USP6NL: variants seen among roughly 807,000 people sequenced by gnomAD.
USP6NL encodes USP6 N-terminal like, also known as USP6 N-terminal-like protein.
USP6NL carries 26 observed loss-of-function variants against 61.9 expected under a neutral mutation model. That is an observed-to-expected ratio of 0.42 (90% CI 0.31 to 0.58). The LOEUF (loss-of-function observed/expected upper bound fraction) is 0.58. Among genes scored for constraint, USP6NL ranks in the 20% least tolerant of loss-of-function variants. USP6NL has a pLI of 0.16. For synonymous variants in USP6NL, 432 were observed against 390.1 expected (o/e 1.11, Z -1.27); for missense variants, 1,114 against 1,034.3 (o/e 1.08, Z -1.06).
At chr10:11,493,442 C>T (rs181198556) in intron 7 of USP6NL, among the ~76,000 whole-genome samples, 3 of 152,312 alleles carry the variant, frequency 2.0e-5, no homozygotes, top group Admixed American at 2.0e-4. Flanking sequence ...TCTCCCTCTT[C>T]CCCTACCTTC....
At chr10:11,539,941 G>T (rs1056309224) in intron 2 of USP6NL, among the ~76,000 whole-genome samples, 1 of 152,142 alleles carries the variant, frequency 6.6e-6, no homozygotes, top group Non-Finnish European at 1.5e-5. Flanking sequence ...AGTAATTCAG[G>T]CCATATGGGA....
intron 6 of USP6NL, among the ~76,000 whole-genome samples, chr10:11,509,126 A>C (rs2133341238): frequency 6.6e-6 from 1 of 152,340 alleles, no homozygotes; most frequent in Non-Finnish European, 1.5e-5. Flanking sequence ...GGTTTGCTAG[A>C]AGCTTTTGAA....
chr10:11,550,567 CCAACA>C (rs1836443838), intron 2 of USP6NL, among the ~76,000 whole-genome samples: 1 of 151,924 alleles, frequency 6.6e-6, no homozygotes. Context: ...ACCAGCCCAG[CCAACA>C]TGGTGAAACC....
Position 11,494,470 on chromosome 10 carries a change from CGT to C in USP6NL, c.385-1244_385-1243del, listed in dbSNP as rs149017644. On this transcript the variant is annotated intron_variant, in intron 7 of 14. Transcript: ENST00000609104. ...CCCATAGGGTCGGTGAGTTTCTCCC[CGT>C]GTGTGGCGACGAGAGAGTGCAGAAA... 2.9e-3 allele frequency among the ~76,000 whole-genome samples: 440 copies of C among 152,268 alleles called. 5 individuals are homozygous for C. The highest frequency in any genetic ancestry group is 0.028 in the East Asian group (146 of 5,182).
At chr10:11,607,110 C>T (rs1219617757) in intron 1 of USP6NL, among the ~76,000 whole-genome samples, 2 of 152,240 alleles carry the variant, frequency 1.3e-5, no homozygotes, top group South Asian at 2.1e-4. Flanking sequence ...TTAAGCACTA[C>T]TGCAATCAAG....
chr10:11,587,009 CCTGCA>C lies in USP6NL; in HGVS notation c.4+10617_4+10621del, dbSNP rs1251191500. On this transcript the variant is annotated intron_variant, in intron 2 of 14. Transcript: ENST00000609104. This position sits in a 1 kb window ranked among gnomAD's most constrained non-coding sequence, Gnocchi z 4.5. The stretch of plus-strand genomic sequence containing the variant: ...CCCTGTGAGGACAGATTCCCTTGCT[CCTGCA>C]GGAGCAAGGACTCCCTGGATGTCCC... 6.6e-6 allele frequency among the ~76,000 whole-genome samples: 1 copy of C among 152,102 alleles called. No homozygotes were observed. The highest frequency in any genetic ancestry group is 2.4e-5 in the African/African-American group (1 of 41,410).
Position 11,481,787 on chromosome 10 carries a change from A to G in USP6NL, c.1061T>C (p.Leu354Ser), listed in dbSNP as rs1346494116. The G allele has an allele frequency of 1.2e-6, 2 of 1,612,318 alleles. No individual in the cohort carries two copies. Among genetic ancestry groups the G allele is most frequent in the South Asian group, 2.2e-5 (2 of 90,526 alleles). Reference protein sequence around the residue: ...ISMTELKRAKLDLPEPGKEDE... With the variant: ...ISMTELKRAKSDLPEPGKEDE... ...ATTCTTACCAGGTTCTGGAAGGTCTAACTTTGCCCGCTTTAGTTCTGTCAT... is the reference window on the plus strand; with the variant it reads ...ATTCTTACCAGGTTCTGGAAGGTCTGACTTTGCCCGCTTTAGTTCTGTCAT... Residue 354 changes from leucine to serine, a missense_variant, in exon 14 of 15, where the codon TTA (leucine) becomes TCA (serine). Coordinates refer to ENST00000609104, the MANE Select transcript of USP6NL (RefSeq NM_014688.5). This position sits in a 1 kb window ranked among gnomAD's most constrained non-coding sequence, Gnocchi z 4.4.
chr10:11,477,839 AATG>A (rs1376867323), intron 14 of USP6NL, among the ~76,000 whole-genome samples: 7 of 152,224 alleles, frequency 4.6e-5, no homozygotes, highest in Non-Finnish European at 8.8e-5. Context: ...AAGGGAAAAA[AATG>A]ATTATTTGTG....
At chr10:11,524,160 G>C (rs1667841492) in intron 4 of USP6NL, among the ~76,000 whole-genome samples, 1 of 152,156 alleles carries the variant, frequency 6.6e-6, no homozygotes, top group African/African-American at 2.4e-5. Context: ...TCTGATTATA[G>C]AGGTGGGAGG....
Position 11,463,456 on chromosome 10 carries a change from G to A in USP6NL, c.1472C>T (p.Ser491Leu). The change falls in exon 15 of 15, where the codon TCA becomes TTA. Residue 491 changes from serine to leucine, a missense_variant. By Grantham distance (145) the Ser-to-Leu change is moderately radical. Coordinates refer to ENST00000609104, the MANE Select transcript of USP6NL (RefSeq NM_014688.5). The surrounding 1 kb of genome is among the most constrained non-coding windows in gnomAD (Gnocchi z 6.3). The part of the protein sequence containing the change: ...KEFVPKWNKP[S>L]DVSATERTAK... ...AGTTCTCTCTGTAGCTGAGACGTCT[G>A]ACGGTTTATTCCATTTGGGCACAAA... 6.2e-7 allele frequency: 1 copy of A among 1,614,068 alleles called. No individual in the cohort carries two copies.
At position 11,611,541 on chromosome 10, in the gene USP6NL, C is replaced by G. The variant is rs1838904243; in HGVS notation, c.-182G>C. On this transcript the variant is annotated 5_prime_UTR_variant, in exon 1 of 15. Coordinates refer to ENST00000609104, the MANE Select transcript of USP6NL (RefSeq NM_014688.5). This position sits in a 1 kb window ranked among gnomAD's most constrained non-coding sequence, Gnocchi z 5.3. ...GCGCGGCGCGGCGCGGCGGCGGCGG[C>G]GGCTACCGCAGTGCCCTCCGCCCCA... 6.2e-6 allele frequency: 1 copy of G among 160,642 alleles called. No homozygotes were observed. The highest frequency in any genetic ancestry group is 2.4e-5 in the African/African-American group (1 of 41,510). 10.0% of individuals were successfully genotyped at this position (160,642 alleles called of 1,614,324 possible).
chr10:11,541,230 C>T (rs1313881704), intron 2 of USP6NL, among the ~76,000 whole-genome samples: 4 of 43,186 alleles, frequency 9.3e-5, no homozygotes, highest in Non-Finnish European at 9.0e-5. Flanking sequence ...TCAATAGTGC[C>T]ATATATATAT....
chr10:11,481,043 C>T lies in USP6NL; in HGVS notation c.1078+727G>A, dbSNP rs907641599. ...CTTCTTCTGCTCCTCTCCCATTTACCCTGCGGCTAGCTCTAGTAATGCCCC... is the reference window on the plus strand; with the variant it reads ...CTTCTTCTGCTCCTCTCCCATTTACTCTGCGGCTAGCTCTAGTAATGCCCC... On this transcript the variant is annotated intron_variant, in intron 14 of 14. Coordinates refer to ENST00000609104, the MANE Select transcript of USP6NL (RefSeq NM_014688.5). The surrounding 1 kb of genome is among the most constrained non-coding windows in gnomAD (Gnocchi z 4.4). Among the ~76,000 whole-genome samples the T allele has an allele frequency of 6.6e-6, 1 of 152,096 alleles. No homozygotes were observed. Among genetic ancestry groups the T allele is most frequent in the Non-Finnish European group, 1.5e-5 (1 of 68,018 alleles).
Position 11,602,975 on chromosome 10 carries a change from C to G in USP6NL, c.-83-5258G>C, listed in dbSNP as rs573254911. Among the ~76,000 whole-genome samples, 1 of 152,194 alleles carries G rather than the reference C, an allele frequency of 6.6e-6. No individual in the cohort carries two copies. Among genetic ancestry groups the G allele is most frequent in the South Asian group, 2.1e-4 (1 of 4,824 alleles). Reference sequence around the variant, plus strand: ...CTTGCTGCAACCCCGTGAAACATAACGTCACATTTCTACAGCTTTAAGTAT... The same window carrying G: ...CTTGCTGCAACCCCGTGAAACATAAGGTCACATTTCTACAGCTTTAAGTAT... On this transcript the variant is annotated intron_variant, in intron 1 of 14. Coordinates refer to ENST00000609104, the MANE Select transcript of USP6NL (RefSeq NM_014688.5). The surrounding 1 kb of genome is among the most constrained non-coding windows in gnomAD (Gnocchi z 4.8).
At chr10:11,486,081 T>C (rs1566126665) in intron 10 of USP6NL, among the ~76,000 whole-genome samples, 170 bp from the exon 11 acceptor site, 1 of 151,806 alleles carries the variant, frequency 6.6e-6, no homozygotes, top group Non-Finnish European at 1.5e-5. Context: ...AAGCTTTGGG[T>C]AATGAAACTT....
Position 11,473,886 on chromosome 10 carries a change from C to CA in USP6NL, c.1078+7883dup, listed in dbSNP as rs201185112. Among the ~76,000 whole-genome samples the CA allele has an allele frequency of 9.9e-5, 15 of 152,198 alleles. No individual in the cohort carries two copies. In the East Asian group the frequency reaches 2.5e-3, roughly 25 times the overall value. On this transcript the variant is annotated intron_variant, in intron 14 of 14. Transcript: ENST00000609104. ...TCAAAGATTTCTAAAGGTAAAAAGTCAAGATCTTCTGGGTGGAAAGGGGCA... is the reference window on the plus strand; with the variant it reads ...TCAAAGATTTCTAAAGGTAAAAAGTCAAAGATCTTCTGGGTGGAAAGGGGCA...
chr10:11,521,711 A>G (rs1304041472), intron 4 of USP6NL, among the ~76,000 whole-genome samples: 1 of 151,302 alleles, frequency 6.6e-6, no homozygotes, highest in Non-Finnish European at 1.5e-5. Flanking sequence ...ACCCACCTTT[A>G]TTCTGCATAT....
chr10:11,500,863 T>C (rs570591336), intron 7 of USP6NL, among the ~76,000 whole-genome samples: 1 of 152,332 alleles, frequency 6.6e-6, no homozygotes, highest in South Asian at 2.1e-4. Context: ...ATTTATGTAT[T>C]TGAAAAGCAC....
rs17150602 is a variant in USP6NL, at chr10:11,595,752, C to T, written c.4+1879G>A. On this transcript the variant is annotated intron_variant, in intron 2 of 14. Coordinates refer to ENST00000609104, the MANE Select transcript of USP6NL (RefSeq NM_014688.5). The surrounding 1 kb of genome is among the most constrained non-coding windows in gnomAD (Gnocchi z 5.3). ...ATATCAACAATCAAAACATAAATTC[C>T]CTGAAGACAAAATTTTAAAATTATC... 0.097 allele frequency among the ~76,000 whole-genome samples: 14,695 copies of T among 151,912 alleles called. 1,153 individuals carry two copies. The highest frequency in any genetic ancestry group is 0.43 in the East Asian group (2,205 of 5,174).
Sources: gnomAD v4.1 joint callset for allele counts (sites outside exome capture counted in the v4.1 genomes callset) on GRCh38, gnomAD v4.1.1 for gene constraint, Gnocchi (gnomAD v3.1) non-coding constraint, MANE v1.5 for transcripts, NCBI Gene and HGNC (gene_info 2026-07-23, HGNC 2026-07-21) for gene names.